The following MGAT5B variants were observed in gnomAD, a reference collection of about 807,000 sequenced individuals.
MGAT5B encodes N-acetylglucosaminyl-transferase Vb.
Under a neutral mutation model 95.1 loss-of-function variants are expected in MGAT5B, and 54 were observed. The ratio of observed to expected loss-of-function variants is 0.57; its 90% CI spans 0.46 to 0.71. The LOEUF is 0.71. MGAT5B is among the 30% of genes least tolerant of loss of function. The pLI, the probability that MGAT5B is intolerant of heterozygous loss-of-function variation, is 0.00. For synonymous variants in MGAT5B, 464 were observed against 451.0 expected (o/e 1.03, Z -0.36); for missense variants, 935 against 1,088.6 (o/e 0.86, Z 1.99).
intron 3 of MGAT5B, among the ~76,000 whole-genome samples, chr17:76,896,813 C>T (rs770040531): frequency 9.9e-5 from 15 of 152,270 alleles, no homozygotes; most frequent in Non-Finnish European, 2.1e-4. Flanking sequence ...TCTTTCTTTC[C>T]TGTGAGAGCG....
chr17:76,900,906 TGTGTGCGTGTGTACATGTGTGC>T (rs1254349185), intron 3 of MGAT5B, among the ~76,000 whole-genome samples: 4 of 113,796 alleles, frequency 3.5e-5, no homozygotes, highest in African/African-American at 1.2e-4. Flanking sequence ...TGCATGTGTG[TGTGTGCGTGTGTACATGTGTGC>T]GTGCGTGTTT....
chr17:76,893,798 C>T (rs1967968571), intron 3 of MGAT5B, among the ~76,000 whole-genome samples: 2 of 152,162 alleles, frequency 1.3e-5, no homozygotes, highest in African/African-American at 4.8e-5. Flanking sequence ...AAGTCCCATC[C>T]CCCAGGATGT....
chr17:76,873,347 G>A (rs1218398865), intron 2 of MGAT5B, among the ~76,000 whole-genome samples: 2 of 152,230 alleles, frequency 1.3e-5, no homozygotes, highest in Admixed American at 6.5e-5. Context: ...GAACGGGCCT[G>A]GCCATGGGCT....
chr17:76,906,521 G>A lies in MGAT5B; in HGVS notation c.1025+334G>A, dbSNP rs914706912. ...GCACGTGGGGTCCCCTCTGCCTGCC[G>A]TCCTGGAAGGCTTGGTTTCTCTTCT... is the stretch of plus-strand genomic sequence containing the variant. On this transcript the variant is annotated intron_variant, in intron 8 of 17. Transcript: ENST00000569840. This position sits in a 1 kb window ranked among gnomAD's most constrained non-coding sequence, Gnocchi z 4.6. 5.9e-5 allele frequency among the ~76,000 whole-genome samples: 9 copies of A among 152,204 alleles called. No homozygotes were observed. The highest frequency in any genetic ancestry group is 2.2e-4 in the African/African-American group (9 of 41,444).
intron 13 of MGAT5B, among the ~76,000 whole-genome samples, chr17:76,939,905 C>T (rs935152569): frequency 1.5e-4 from 23 of 152,014 alleles, no homozygotes; most frequent in African/African-American, 5.3e-4. Flanking sequence ...ACCATACTTT[C>T]TTTATCCAAG....
chr17:76,881,988 A>G (rs573085), intron 2 of MGAT5B, among the ~76,000 whole-genome samples, 163 bp from the exon 3 acceptor site: 55,362 of 152,124 alleles, frequency 0.36, 12,553 homozygotes, highest in African/African-American at 0.61. Flanking sequence ...ATGCAGCAAA[A>G]GGGTCAGCAG....
At chr17:76,885,095 A>C (rs926634385) in intron 3 of MGAT5B, among the ~76,000 whole-genome samples, 1 of 152,120 alleles carries the variant, frequency 6.6e-6, no homozygotes, top group African/African-American at 2.4e-5. Flanking sequence ...CTGGATAAAC[A>C]GGGTGGCAGG....
chr17:76,903,757 C>A (rs1293627381), intron 5 of MGAT5B, among the ~76,000 whole-genome samples: 1 of 152,214 alleles, frequency 6.6e-6, no homozygotes, highest in Non-Finnish European at 1.5e-5. Context: ...CGTCCACAGC[C>A]GTGAAGTCAG....
chr17:76,946,002 G>T (rs1381236639), intron 15 of MGAT5B, among the ~76,000 whole-genome samples: 1 of 143,040 alleles, frequency 7.0e-6, no homozygotes. Flanking sequence ...GGGGCTCAGG[G>T]AAAGCTCCCT....
chr17:76,925,697 C>T (rs1969290913), intron 9 of MGAT5B, among the ~76,000 whole-genome samples: 1 of 152,188 alleles, frequency 6.6e-6, no homozygotes, highest in Non-Finnish European at 1.5e-5. Context: ...TGCGAGTTCT[C>T]TATGCACTCG....
rs1410696306 is a variant in MGAT5B, at chr17:76,870,625, C to T, written c.68+1528C>T. 6.6e-6 allele frequency among the ~76,000 whole-genome samples: 1 copy of T among 151,968 alleles called. No individual in the cohort carries two copies. The highest frequency in any genetic ancestry group is 1.9e-4 in the East Asian group (1 of 5,150). The stretch of plus-strand genomic sequence containing the variant: ...TCCTGCCCTGGTTTTCTTTCAGGCC[C>T]TTATCTGAAGGCAGGATTGGGGGTG... On this transcript the variant is annotated intron_variant, in intron 1 of 17. Coordinates refer to ENST00000569840, the MANE Select transcript of MGAT5B (RefSeq NM_001199172.2). The surrounding 1 kb of genome is among the most constrained non-coding windows in gnomAD (Gnocchi z 5.0).
At chr17:76,879,090 C>T (rs1967309230) in intron 2 of MGAT5B, among the ~76,000 whole-genome samples, 1 of 152,180 alleles carries the variant, frequency 6.6e-6, no homozygotes, top group African/African-American at 2.4e-5. Context: ...CTAGGCCAGC[C>T]CTCATAGTTT....
chr17:76,913,821 T>G, intron 8 of MGAT5B: 1 of 456,860 alleles, frequency 2.2e-6, no homozygotes, highest in Non-Finnish European at 4.4e-6. Context: ...AAGAATTTGG[T>G]CACATGAGGC....
intron 15 of MGAT5B, among the ~76,000 whole-genome samples, chr17:76,945,751 C>G (rs1047802045): frequency 2.0e-5 from 3 of 152,196 alleles, no homozygotes; most frequent in African/African-American, 2.4e-5. Flanking sequence ...ACAGGCAGAG[C>G]TGGGGATGCC....
rs566846974 is a variant in MGAT5B at position 76,905,085 on chromosome 17, G to C, written c.691-84G>C. ...GAGCAGGCCCCAGCCTCATGGGAGG[G>C]TGCCAGCCCCTGTCCCCAGGCCAGC... On this transcript the variant is annotated intron_variant, in intron 6 of 17. Transcript: ENST00000569840. This position sits in a 1 kb window ranked among gnomAD's most constrained non-coding sequence, Gnocchi z 4.2. 6.8e-5 allele frequency: 98 copies of C among 1,433,056 alleles called. No homozygotes were observed. The highest frequency in any genetic ancestry group is 8.9e-5 in the Non-Finnish European group (95 of 1,064,186). The allele number at this position is 1,433,056 out of a possible 1,614,324, so 88.8% of individuals were successfully genotyped here.
intron 3 of MGAT5B, among the ~76,000 whole-genome samples, chr17:76,894,628 G>C (rs991652663): frequency 1.3e-5 from 2 of 152,106 alleles, no homozygotes; most frequent in African/African-American, 4.8e-5. Flanking sequence ...GGCCGAGGCA[G>C]GTGGATCACA....
Position 76,898,729 on chromosome 17 carries a change from T to G in MGAT5B, c.330-3826T>G, listed in dbSNP as rs146840244. 7.0e-3 allele frequency among the ~76,000 whole-genome samples: 1,069 copies of G among 152,322 alleles called. 14 individuals carry two copies. The highest frequency in any genetic ancestry group is 0.025 in the African/African-American group (1,032 of 41,560). Reference sequence around the variant, plus strand: ...AGGTTATTGGGGTACAGGTGGTATTTGGTTACATGAGTAAGTTCTTTAGTG... The same window carrying G: ...AGGTTATTGGGGTACAGGTGGTATTGGGTTACATGAGTAAGTTCTTTAGTG... On this transcript the variant is annotated intron_variant, in intron 3 of 17. Coordinates refer to ENST00000569840, the MANE Select transcript of MGAT5B (RefSeq NM_001199172.2).
chr17:76,903,457 C>T (rs1181088415), intron 5 of MGAT5B, 81 bp downstream of exon 5: 3 of 1,141,674 alleles, frequency 2.6e-6, no homozygotes, highest in Non-Finnish European at 3.7e-6. Flanking sequence ...CAGGCACAAG[C>T]TGGCAGAGGC....
At chr17:76,897,802 TC>T (rs1968150446) in intron 3 of MGAT5B, among the ~76,000 whole-genome samples, 1 of 150,102 alleles carries the variant, frequency 6.7e-6, no homozygotes, top group Admixed American at 6.7e-5. Context: ...ACGCCTGTTA[TC>T]CCAGCACTTT....
Sources: gnomAD v4.1 joint callset for allele counts (sites outside exome capture counted in the v4.1 genomes callset) on GRCh38, gnomAD v4.1.1 for gene constraint, Gnocchi (gnomAD v3.1) non-coding constraint, MANE v1.5 for transcripts, NCBI Gene and HGNC (gene_info 2026-07-23, HGNC 2026-07-21) for gene names.